Variants in BSN observed in about 807,000 individuals in gnomAD.
BSN encodes the protein protein bassoon.
BSN carries 57 observed loss-of-function variants against 264.8 expected under a neutral mutation model. The observed-to-expected ratio is 0.22, with a 90% CI of 0.17 to 0.27. BSN has a LOEUF of 0.27. Ranked by LOEUF, BSN falls within the 10% of genes least tolerant of loss-of-function variation. The pLI is 1.00. For missense variants in BSN, 4,615 were observed against 5,232.5 expected (o/e 0.88, Z 3.64); for synonymous variants, 2,059 against 2,137.3 (o/e 0.96, Z 1.01).
chr3:49,581,338 C>T (rs966995358), intron 1 of BSN, among the ~76,000 whole-genome samples: 1 of 152,154 alleles, frequency 6.6e-6, no homozygotes, highest in African/African-American at 2.4e-5. Context: ...CTCCAGTAGT[C>T]CCCCCTTATC....
chr3:49,561,542 A>T (rs1257642246), intron 1 of BSN, among the ~76,000 whole-genome samples: 2 of 151,668 alleles, frequency 1.3e-5, no homozygotes, highest in African/African-American at 4.8e-5. Context: ...CCATTAAAAA[A>T]ATTTTTTTAA....
intron 1 of BSN, among the ~76,000 whole-genome samples, chr3:49,599,280 T>G (rs544615594): frequency 6.6e-6 from 1 of 152,328 alleles, no homozygotes; most frequent in African/African-American, 2.4e-5. Flanking sequence ...TGTGGCCTAG[T>G]GCATGTCCAC....
chr3:49,567,913 T>C (rs1450418411), intron 1 of BSN, among the ~76,000 whole-genome samples: 1 of 152,182 alleles, frequency 6.6e-6, no homozygotes, highest in African/African-American at 2.4e-5. Context: ...CGATGCTGGC[T>C]GTTAGCTGGG....
At chr3:49,664,962 C>T (rs540583984) in intron 10 of BSN, 109 bp downstream of exon 10, 13 of 830,080 alleles carry the variant, frequency 1.6e-5, no homozygotes, top group African/African-American at 5.1e-5. Flanking sequence ...GTCCAGTCTT[C>T]GGCTGGTTCA....
rs551158194 is a variant in BSN, at chr3:49,650,648, C to T, written c.1555C>T (p.Arg519Trp). The T allele has an allele frequency of 7.5e-6, 12 of 1,607,618 alleles. No individual in the cohort carries two copies. The highest frequency in any genetic ancestry group is 1.7e-4 in the Middle Eastern group (1 of 6,026). The change falls in exon 4 of 12, where the codon CGG becomes TGG. Residue 519 changes from arginine to tryptophan, a missense_variant. Transcript: ENST00000296452. ...EWLCLNCQTK[R>W]LLEGSLGEPT... is the part of the protein sequence containing the mutation. Reference sequence around the variant, plus strand: ...GCTCTGTCTGAACTGCCAAACCAAGCGGCTACTGGAGGGCAGCCTAGGAGA... The same window carrying T: ...GCTCTGTCTGAACTGCCAAACCAAGTGGCTACTGGAGGGCAGCCTAGGAGA...
Position 49,650,981 on chromosome 3 carries a change from C to T in BSN, c.1888C>T (p.Pro630Ser). The change falls in exon 4 of 12, where the codon CCT (proline) becomes TCT (serine). Residue 630 changes from proline to serine, a missense_variant. By Grantham distance (74) the Pro-to-Ser change is moderately conservative. Transcript: ENST00000296452. The stretch of plus-strand genomic sequence containing the variant: ...GCCACCTCCAGAGACTACCCCAACC[C>T]CTGCGACTCCTAAAGTAAAGAGTGG... Reference protein sequence around the residue: ...PKPPPETTPTPATPKVKSGVR... With the variant: ...PKPPPETTPTSATPKVKSGVR... The T allele has an allele frequency of 1.2e-6, 2 of 1,614,162 alleles. No individual in the cohort carries two copies. Among genetic ancestry groups the T allele is most frequent in the South Asian group, 1.1e-5 (1 of 91,086 alleles).
rs920212280 is a variant in BSN, at chr3:49,653,215, G to T, written c.3659G>T (p.Gly1220Val). 1.7e-5 allele frequency: 27 copies of T among 1,610,818 alleles called. No individual in the cohort carries two copies. Among genetic ancestry groups the T allele is most frequent in the African/African-American group, 2.7e-5 (2 of 74,670 alleles). The change falls in exon 5 of 12, where the codon GGC (glycine) becomes GTC (valine). Residue 1220 changes from glycine (G) to valine (V), a missense_variant. Gly to Val is a moderately radical substitution (Grantham distance 109, BLOSUM62 -3). This residue lies in a region of BSN where 3,415 missense variants were observed against 3,866.4 expected (regional missense o/e 0.88). Transcript: ENST00000296452. This position sits in a 1 kb window ranked among gnomAD's most constrained non-coding sequence, Gnocchi z 6.3. Reference protein sequence around the residue: ...GPHGGPSQPTGPRGLGSFEYQ... With the variant: ...GPHGGPSQPTVPRGLGSFEYQ... Reference sequence around the variant, plus strand: ...CATGGCGGCCCCTCTCAGCCCACAGGCCCCCGGGGCCTGGGCTCCTTCGAA... The same window carrying T: ...CATGGCGGCCCCTCTCAGCCCACAGTCCCCCGGGGCCTGGGCTCCTTCGAA...
intron 1 of BSN, among the ~76,000 whole-genome samples, chr3:49,581,855 AC>A (rs1559597389): frequency 6.6e-6 from 1 of 152,100 alleles, no homozygotes; most frequent in African/African-American, 2.4e-5. Flanking sequence ...ACAAAAAAAA[AC>A]AAACTTTGTG....
intron 1 of BSN, among the ~76,000 whole-genome samples, chr3:49,563,518 G>A (rs931089348): frequency 1.3e-5 from 2 of 152,222 alleles, no homozygotes; most frequent in Non-Finnish European, 2.9e-5. Context: ...AGAGACTTTA[G>A]ATCTTCAGAC....
chr3:49,563,629 C>T lies in BSN; in HGVS notation c.224+8803C>T, dbSNP rs1314792521. Among the ~76,000 whole-genome samples the T allele has an allele frequency of 6.6e-5, 10 of 152,352 alleles. No individual in the cohort carries two copies. In the East Asian group the frequency reaches 1.9e-3, roughly 29 times the overall value. ...TGGGTTCTGTGGGCTCAGGCCAGATCTCCTCCAATGTCAAAGTCCGGTATG... is the reference window on the plus strand; with the variant it reads ...TGGGTTCTGTGGGCTCAGGCCAGATTTCCTCCAATGTCAAAGTCCGGTATG... On this transcript the variant is annotated intron_variant, in intron 1 of 11. Transcript: ENST00000296452.
chr3:49,631,568 A>AG (rs1028099232), intron 2 of BSN, among the ~76,000 whole-genome samples: 1 of 151,948 alleles, frequency 6.6e-6, no homozygotes, highest in Non-Finnish European at 1.5e-5. Flanking sequence ...AAAAAAAAAA[A>AG]AAAAAAAGTT....
At chr3:49,618,245 C>A (rs1052461139) in intron 1 of BSN, among the ~76,000 whole-genome samples, 5 of 152,166 alleles carry the variant, frequency 3.3e-5, no homozygotes, top group African/African-American at 1.2e-4. Flanking sequence ...TCAACACAAC[C>A]AAACCAAACC....
In BSN at chr3:49,638,266, G is replaced by C. The variant is rs2052434394; in HGVS notation, c.634-4002G>C. ...TCTAACTGTACTGGCACTCAGGCCA[G>C]TGGAGTCTGCCACAGAACTATTCAT... On this transcript the variant is annotated intron_variant, in intron 2 of 11. Coordinates refer to ENST00000296452, the MANE Select transcript of BSN (RefSeq NM_003458.4). The surrounding 1 kb of genome is among the most constrained non-coding windows in gnomAD (Gnocchi z 4.3). Among the ~76,000 whole-genome samples the C allele has an allele frequency of 6.8e-6, 1 of 146,376 alleles. No homozygotes were observed. Among genetic ancestry groups the C allele is most frequent in the Non-Finnish European group, 1.5e-5 (1 of 66,306 alleles).
rs1466950642 is a variant in BSN, at chr3:49,656,987, T to C, written c.7431T>C (p.Phe2477=). 5.6e-6 allele frequency: 9 copies of C among 1,609,790 alleles called. No individual in the cohort carries two copies. In the African/African-American group the frequency reaches 9.4e-5, roughly 17 times the overall value. Residue 2477 remains phenylalanine (F), a synonymous_variant, in exon 5 of 12, where the codon TTT becomes TTC. Transcript: ENST00000296452. The stretch of plus-strand genomic sequence containing the variant: ...AGAAGCAGCGGCAGAAGGCTCCCTT[T>C]CCTGCAGCCTGTGAGGCACCTGGCC... ...EEQKQRQKAP[F]PAACEAPGRG...
chr3:49,564,054 C>A (rs1261870454), intron 1 of BSN, among the ~76,000 whole-genome samples: 1 of 152,202 alleles, frequency 6.6e-6, no homozygotes, highest in Non-Finnish European at 1.5e-5. Flanking sequence ...CTGGACTTCA[C>A]TTCTCCAGCT....
At chr3:49,644,681 C>G (rs1203216934) in intron 3 of BSN, among the ~76,000 whole-genome samples, 1 of 152,202 alleles carries the variant, frequency 6.6e-6, no homozygotes, top group African/African-American at 2.4e-5. Flanking sequence ...CACAAGCTCA[C>G]TGCTGGTCAG....
chr3:49,590,335 T>C (rs1056747867), intron 1 of BSN, among the ~76,000 whole-genome samples: 4 of 152,132 alleles, frequency 2.6e-5, no homozygotes, highest in Admixed American at 2.6e-4. Context: ...AAAAAACAAA[T>C]CTGATAATCT....
chr3:49,601,218 G>C (rs2052070837), intron 1 of BSN, among the ~76,000 whole-genome samples: 1 of 152,226 alleles, frequency 6.6e-6, no homozygotes, highest in African/African-American at 2.4e-5. Flanking sequence ...GGGCTCCAGA[G>C]AAAGGCAGCT....
At position 49,662,488 on chromosome 3, in the gene BSN, C is replaced by G; in HGVS notation, c.10643C>G (p.Pro3548Arg). ...GTCCAGGAACATGTCAAGGACGGAC[C>G]TCGGGCCCACGCATATAAGCGTGAG... ...PDVQEHVKDG[P>R]RAHAYKREEG... Residue 3548 changes from proline to arginine, a missense_variant, in exon 6 of 12, where the codon CCT (proline) becomes CGT (arginine). Physicochemically the swap from Pro to Arg is moderately radical, Grantham distance 103 (BLOSUM62 -2). Coordinates refer to ENST00000296452, the MANE Select transcript of BSN (RefSeq NM_003458.4). 1 of 1,613,566 alleles carries G rather than the reference C, an allele frequency of 6.2e-7. No individual in the cohort carries two copies. Among genetic ancestry groups the G allele is most frequent in the Non-Finnish European group, 8.5e-7 (1 of 1,179,974 alleles).
Sources: allele counts gnomAD v4.1 joint callset (sites outside exome capture counted in the v4.1 genomes callset), GRCh38; gene constraint gnomAD v4.1.1; regional missense constraint gnomAD v4.1.1; non-coding constraint Gnocchi (gnomAD v3.1); transcripts MANE v1.5; gene names NCBI Gene and HGNC (gene_info 2026-07-23, HGNC 2026-07-21).